ARHGAP17: variants seen among roughly 807,000 people sequenced by gnomAD.
ARHGAP17 encodes the protein rho GTPase-activating protein 17.
In ARHGAP17, 57 loss-of-function variants were observed where a neutral mutation model predicts 99.5. The ratio of observed to expected loss-of-function variants is 0.57; its 90% CI spans 0.46 to 0.71. The LOEUF (loss-of-function observed/expected upper bound fraction) is 0.71. Among genes scored for constraint, ARHGAP17 ranks in the 30% least tolerant of loss-of-function variants. The pLI, the probability that ARHGAP17 is intolerant of heterozygous loss-of-function variation, is 0.00. For synonymous variants in ARHGAP17, 417 were observed against 429.6 expected, an observed-to-expected ratio of 0.97 and a Z score of 0.36; for missense variants, 1,000 against 1,122.4, an observed-to-expected ratio of 0.89 and a Z score of 1.56.
intron 1 of ARHGAP17, among the ~76,000 whole-genome samples, chr16:25,003,499 C>A (rs1314934129): frequency 6.6e-6 from 1 of 152,102 alleles, no homozygotes; most frequent in Non-Finnish European, 1.5e-5. Context: ...TAGCCATGAG[C>A]CACCATGCCT....
In ARHGAP17 at chr16:24,968,697, C is replaced by T; in HGVS notation, c.348G>A (p.Glu116=). 6.2e-7 allele frequency: 1 copy of T among 1,614,266 alleles called. No homozygotes were observed. Among genetic ancestry groups the T allele is most frequent in the Non-Finnish European group, 8.5e-7 (1 of 1,180,050 alleles). The change falls in exon 5 of 20, where the codon GAG becomes GAA. Residue 116 remains glutamate (E), a synonymous_variant. Transcript: ENST00000289968. ...CGTACAGAGGGTCCACGATCTCCTT[C>T]TCAACAAAGACTTCGTGCTGGGAGA... ...LELSQHEVFV[E]KEIVDPLYGI...
chr16:25,007,719 A>G (rs930362488), intron 1 of ARHGAP17, among the ~76,000 whole-genome samples: 1 of 152,230 alleles, frequency 6.6e-6, no homozygotes, highest in Non-Finnish European at 1.5e-5. Flanking sequence ...AAATGAAAGC[A>G]GGCAGCCCAC....
chr16:24,970,360 T>C (rs867055865), intron 4 of ARHGAP17, 147 bp downstream of exon 4: 9 of 762,256 alleles, frequency 1.2e-5, no homozygotes, highest in African/African-American at 1.0e-4. Context: ...CCCCACTTTC[T>C]CCCAAGGAGT....
At chr16:24,948,996 TTTAG>T (rs1380029404) in intron 13 of ARHGAP17, 2 of 153,880 alleles carry the variant, frequency 1.3e-5, no homozygotes, top group East Asian at 1.9e-4. Context: ...TGAAATTTTA[TTTAG>T]TAAGATGATT....
At chr16:24,939,692 T>C (rs773997126) in intron 16 of ARHGAP17, 95 bp from the exon 17 acceptor site, 27 of 1,319,490 alleles carry the variant, frequency 2.0e-5, no homozygotes, top group Non-Finnish European at 2.9e-5. Context: ...CACATGGGGA[T>C]AGCCACCCAA....
At chr16:24,941,600 G>A (rs1201050872) in intron 16 of ARHGAP17, 1 of 185,812 alleles carries the variant, frequency 5.4e-6, no homozygotes, top group Non-Finnish European at 1.1e-5. Context: ...TCAACTCACT[G>A]TGCCAGGTGG....
intron 17 of ARHGAP17, 91 bp from the exon 18 acceptor site, chr16:24,935,730 G>T: frequency 7.2e-7 from 1 of 1,379,716 alleles, no homozygotes; most frequent in Non-Finnish European, 1.0e-6. Flanking sequence ...TCCAAGCAGA[G>T]TTTTCACTTC....
chr16:24,927,184 T>G (rs979314991), intron 19 of ARHGAP17, among the ~76,000 whole-genome samples: 2 of 152,166 alleles, frequency 1.3e-5, no homozygotes, highest in Admixed American at 6.5e-5. Context: ...GGCAGGAGAA[T>G]TGCTTGAACC....
chr16:24,939,248 CT>C (rs1232868602), intron 17 of ARHGAP17, 115 bp downstream of exon 17: 22 of 890,340 alleles, frequency 2.5e-5, no homozygotes, highest in Non-Finnish European at 3.4e-5. Flanking sequence ...GAAAGTAAAT[CT>C]GTTCACTCCA....
chr16:24,952,519 A>C, intron 11 of ARHGAP17, 149 bp from the exon 12 acceptor site: 2 of 564,248 alleles, frequency 3.5e-6, no homozygotes, highest in South Asian at 3.1e-5. Flanking sequence ...GTTAGAGACT[A>C]AAATGTTCAT....
chr16:24,937,924 T>C (rs1252041740), intron 17 of ARHGAP17, among the ~76,000 whole-genome samples: 1 of 152,176 alleles, frequency 6.6e-6, no homozygotes, highest in African/African-American at 2.4e-5. Flanking sequence ...ATGCAGAACA[T>C]ATGACAACAA....
Position 24,930,979 on chromosome 16 carries a change from G to T in ARHGAP17, c.2320C>A (p.Pro774Thr). ...CCCCCTGCCAGGGTCTGAGGAGCTGGCAGACTGGGGTTCTGTTTTCCTAGG... is the reference window on the plus strand; with the variant it reads ...CCCCCTGCCAGGGTCTGAGGAGCTGTCAGACTGGGGTTCTGTTTTCCTAGG... ...PPLGKQNPSLPAPQTLAGGNP... is the reference protein window; with the variant it reads ...PPLGKQNPSLTAPQTLAGGNP... The change falls in exon 19 of 20, where the codon CCA becomes ACA. Residue 774 changes from proline to threonine, a missense_variant. Around this residue, in one of 2 missense-constraint regions of ARHGAP17, gnomAD observed 528 missense variants for 511.4 expected, o/e 1.03. Transcript: ENST00000289968. 6.2e-7 allele frequency: 1 copy of T among 1,613,972 alleles called. No individual in the cohort carries two copies. Among genetic ancestry groups the T allele is most frequent in the Non-Finnish European group, 8.5e-7 (1 of 1,179,968 alleles).
At chr16:24,948,612 G>A (rs921153666) in intron 13 of ARHGAP17, among the ~76,000 whole-genome samples, 1 of 152,052 alleles carries the variant, frequency 6.6e-6, no homozygotes, top group Non-Finnish European at 1.5e-5. Context: ...TAATTCCAAG[G>A]TGGGTGAGTT....
intron 9 of ARHGAP17, 88 bp downstream of exon 9, chr16:24,959,583 T>A (rs1487076707): frequency 6.4e-5 from 81 of 1,262,600 alleles, no homozygotes; most frequent in Non-Finnish European, 9.0e-5. Flanking sequence ...CCCAAGGACG[T>A]GCATGCAGAG....
At position 24,955,555 on chromosome 16, in the gene ARHGAP17, T is replaced by A. The variant is rs1233375939; in HGVS notation, c.725-825A>T. 1.3e-5 allele frequency: 2 copies of A among 152,266 alleles called. No individual in the cohort carries two copies. The highest frequency in any genetic ancestry group is 4.8e-5 in the African/African-American group (2 of 41,462). The allele number at this position is 152,266 out of a possible 1,614,324, so 9.4% of individuals were successfully genotyped here. On this transcript the variant is annotated intron_variant, in intron 9 of 19. Transcript: ENST00000289968. The surrounding 1 kb of genome is among the most constrained non-coding windows in gnomAD (Gnocchi z 4.0). Reference sequence around the variant, plus strand: ...TGTGCAAGCTGCAGAGATCTAGTGCTATCTGAGCAGCTCGCAGAAGCAAAG... The same window carrying A: ...TGTGCAAGCTGCAGAGATCTAGTGCAATCTGAGCAGCTCGCAGAAGCAAAG...
chr16:24,939,323 G>C (rs772182265), intron 17 of ARHGAP17, 41 bp downstream of exon 17: 19 of 1,523,498 alleles, frequency 1.2e-5, no homozygotes, highest in Non-Finnish European at 1.6e-5. Flanking sequence ...AGAAGGCTGG[G>C]GCGTCCAGCC....
intron 1 of ARHGAP17, among the ~76,000 whole-genome samples, chr16:24,981,375 A>G (rs1281264286): frequency 6.6e-6 from 1 of 152,224 alleles, no homozygotes; most frequent in South Asian, 2.1e-4. Context: ...TCAGCTGCAA[A>G]TAATTGATTG....
chr16:25,014,936 T>C lies in ARHGAP17; in HGVS notation c.53+273A>G, dbSNP rs149621950. On this transcript the variant is annotated intron_variant, in intron 1 of 19. Transcript: ENST00000289968. ...GGCGATGCTCCCGGGGCAGGGACAA[T>C]GGGCAGGGGACCCCGCGGTGTGGCG... Among the ~76,000 whole-genome samples, 902 of 151,722 alleles carry C rather than the reference T, an allele frequency of 5.9e-3. 9 individuals carry two copies. The highest frequency in any genetic ancestry group is 0.02 in the African/African-American group (845 of 41,304).
intron 1 of ARHGAP17, among the ~76,000 whole-genome samples, chr16:24,990,203 G>T (rs115970274): frequency 0.037 from 5,706 of 152,312 alleles, 341 homozygotes; most frequent in African/African-American, 0.13. Context: ...ATATCTCATA[G>T]GTTGGGCACA....
Sources: allele counts gnomAD v4.1 joint callset (sites outside exome capture counted in the v4.1 genomes callset), GRCh38; gene constraint gnomAD v4.1.1; regional missense constraint gnomAD v4.1.1; non-coding constraint Gnocchi (gnomAD v3.1); transcripts MANE v1.5; gene names NCBI Gene and HGNC (gene_info 2026-07-23, HGNC 2026-07-21).